PLCXD3: variants seen among roughly 807,000 people sequenced by gnomAD.
PLCXD3 encodes the protein phosphatidylinositol specific phospholipase C X domain containing 3, also known as PI-PLC X domain-containing protein 3.
PLCXD3 carries 19 observed loss-of-function variants against 25.5 expected under a neutral mutation model. The observed-to-expected ratio is 0.75, with a 90% CI of 0.52 to 1.09. The LOEUF is 1.09. Ranked by LOEUF, PLCXD3 falls within the 50% of genes least tolerant of loss-of-function variation. The probability of loss-of-function intolerance (pLI) is 0.00; values close to 1 mark genes in which losing one functional copy is unlikely to be tolerated. For missense variants in PLCXD3, 411 were observed against 388.1 expected, an observed-to-expected ratio of 1.06 and a Z score of -0.50; for synonymous variants, 174 against 137.6, an observed-to-expected ratio of 1.26 and a Z score of -1.85.
chr5:41,433,667 A>C (rs908009288), intron 1 of PLCXD3, among the ~76,000 whole-genome samples: 6 of 152,214 alleles, frequency 3.9e-5, no homozygotes, highest in Non-Finnish European at 8.8e-5. Flanking sequence ...CAAAAATGAC[A>C]GTAGAAATCA....
intron 1 of PLCXD3, among the ~76,000 whole-genome samples, chr5:41,457,778 G>T (rs551945822): frequency 1.3e-5 from 2 of 151,876 alleles, no homozygotes; most frequent in Non-Finnish European, 2.9e-5. Flanking sequence ...TCACCCGTTA[G>T]AACAGGTCAA....
chr5:41,357,113 A>T (rs1266506590), intron 2 of PLCXD3, among the ~76,000 whole-genome samples: 3 of 152,212 alleles, frequency 2.0e-5, no homozygotes, highest in Admixed American at 2.0e-4. Context: ...GGGTCACTTG[A>T]TGTATTTAAA....
At position 41,314,951 on chromosome 5, in the gene PLCXD3, G is replaced by A. The variant is rs79591368; in HGVS notation, c.813-1181C>T. On this transcript the variant is annotated intron_variant, in intron 2 of 2. Transcript: ENST00000377801. ...AAAGTCTTCTGAAAACCTTTCAGAA[G>A]AATGCTTGCTAAAATAAATATTGAA... Among the ~76,000 whole-genome samples, 1,215 of 152,284 alleles carry A rather than the reference G, an allele frequency of 8.0e-3. 17 individuals are homozygous for A. Among genetic ancestry groups the A allele is most frequent in the Non-Finnish European group, 0.011 (763 of 68,022 alleles).
At chr5:41,417,405 C>T (rs961469843) in intron 1 of PLCXD3, among the ~76,000 whole-genome samples, 1 of 152,050 alleles carries the variant, frequency 6.6e-6, no homozygotes, top group Admixed American at 6.5e-5. Context: ...GAACTAGGAG[C>T]CAGAAGCAGA....
At chr5:41,509,921 T>A (rs1561294600) in intron 1 of PLCXD3, among the ~76,000 whole-genome samples, 1 of 152,202 alleles carries the variant, frequency 6.6e-6, no homozygotes. Flanking sequence ...TTTGTCTTTT[T>A]AAAGGAGATT....
At chr5:41,484,038 G>T (rs1038525629) in intron 1 of PLCXD3, among the ~76,000 whole-genome samples, 1 of 152,100 alleles carries the variant, frequency 6.6e-6, no homozygotes, top group East Asian at 1.9e-4. Context: ...GTAAGAAAAT[G>T]GAAGCAAAAA....
intron 1 of PLCXD3, among the ~76,000 whole-genome samples, chr5:41,489,046 G>A (rs1748587278): frequency 6.6e-6 from 1 of 152,132 alleles, no homozygotes; most frequent in African/African-American, 2.4e-5. Context: ...TTTCTTCTAG[G>A]GTTTTTATGG....
intron 1 of PLCXD3, among the ~76,000 whole-genome samples, chr5:41,461,581 A>G (rs1325978243): frequency 6.6e-6 from 1 of 151,910 alleles, no homozygotes; most frequent in Non-Finnish European, 1.5e-5. Context: ...CTGCACTGAT[A>G]TTTCTACATT....
chr5:41,488,100 G>C (rs1257154195), intron 1 of PLCXD3, among the ~76,000 whole-genome samples: 2 of 128,242 alleles, frequency 1.6e-5, no homozygotes, highest in Admixed American at 2.0e-4. Context: ...ACAGTCCCCA[G>C]AGTGTGATGT....
At chr5:41,484,100 C>A (rs1259379266) in intron 1 of PLCXD3, among the ~76,000 whole-genome samples, 1 of 151,946 alleles carries the variant, frequency 6.6e-6, no homozygotes, top group Non-Finnish European at 1.5e-5. Context: ...AGTTATGACC[C>A]CAAAAATCTA....
At chr5:41,430,311 C>G (rs2150508467) in intron 1 of PLCXD3, among the ~76,000 whole-genome samples, 1 of 152,016 alleles carries the variant, frequency 6.6e-6, no homozygotes, top group East Asian at 1.9e-4. Flanking sequence ...GGAATGAGTT[C>G]AAGAAAAGGG....
At chr5:41,490,024 G>A (rs1748619364) in intron 1 of PLCXD3, among the ~76,000 whole-genome samples, 1 of 151,876 alleles carries the variant, frequency 6.6e-6, no homozygotes, top group African/African-American at 2.4e-5. Context: ...GTTTTCAAAG[G>A]GAATGCTTCC....
chr5:41,352,318 C>A (rs1744486204), intron 2 of PLCXD3, among the ~76,000 whole-genome samples: 1 of 152,154 alleles, frequency 6.6e-6, no homozygotes, highest in Non-Finnish European at 1.5e-5. Flanking sequence ...ATATAGTATT[C>A]TTTCTGCCTC....
At chr5:41,441,140 C>G (rs527574790) in intron 1 of PLCXD3, among the ~76,000 whole-genome samples, 1 of 152,286 alleles carries the variant, frequency 6.6e-6, no homozygotes, top group Admixed American at 6.5e-5. Flanking sequence ...GATAGTTCAA[C>G]TGGGCTTTCG....
chr5:41,430,816 G>C (rs930020864), intron 1 of PLCXD3, among the ~76,000 whole-genome samples: 3 of 152,126 alleles, frequency 2.0e-5, no homozygotes, highest in African/African-American at 7.2e-5. Context: ...TTCTTTAAAA[G>C]TTATTGCCAA....
chr5:41,313,210 C>T lies in PLCXD3; in HGVS notation c.*407G>A, dbSNP rs1711729609. ...TGTTGGGCATTCAATTGTTTTGATT[C>T]CCATACAGCATCTGATTAAAAAGAG... is the stretch of plus-strand genomic sequence containing the variant. On this transcript the variant is annotated 3_prime_UTR_variant, in exon 3 of 3. Coordinates refer to ENST00000377801, the MANE Select transcript of PLCXD3 (RefSeq NM_001005473.3). 1 of 167,114 alleles carries T rather than the reference C, an allele frequency of 6.0e-6. No homozygotes were observed. The highest frequency in any genetic ancestry group is 1.5e-4 in the South Asian group (1 of 6,846). The allele number at this position is 167,114 out of a possible 1,614,324, so 10.4% of individuals were successfully genotyped here.
intron 1 of PLCXD3, among the ~76,000 whole-genome samples, chr5:41,466,257 C>A (rs1748016190): frequency 1.3e-5 from 2 of 151,700 alleles, no homozygotes; most frequent in Admixed American, 1.3e-4. Flanking sequence ...AAATTGAGCC[C>A]TGAACAGAAA....
intron 1 of PLCXD3, among the ~76,000 whole-genome samples, chr5:41,455,881 T>C (rs1747740864): frequency 6.6e-6 from 1 of 151,916 alleles, no homozygotes; most frequent in Admixed American, 6.6e-5. Flanking sequence ...ATAATGCAGG[T>C]CTTGAGAGAA....
chr5:41,433,967 T>C (rs1747175731), intron 1 of PLCXD3, among the ~76,000 whole-genome samples: 1 of 152,178 alleles, frequency 6.6e-6, no homozygotes, highest in Admixed American at 6.5e-5. Context: ...TGACGTAATA[T>C]CACCTGATGG....
Sources: allele counts gnomAD v4.1 joint callset (sites outside exome capture counted in the v4.1 genomes callset), GRCh38; gene constraint gnomAD v4.1.1; transcripts MANE v1.5; gene names NCBI Gene and HGNC (gene_info 2026-07-23, HGNC 2026-07-21).